The following KCNQ5 variants were observed in gnomAD, a reference collection of about 807,000 sequenced individuals.
KCNQ5 encodes the protein potassium voltage-gated channel subfamily KQT member 5.
In KCNQ5, 30 loss-of-function variants were observed where a neutral mutation model predicts 98.2. That is an observed-to-expected ratio of 0.31 (90% CI 0.23 to 0.41). The LOEUF is 0.41. Ranked by LOEUF, KCNQ5 falls within the 10% of genes least tolerant of loss-of-function variation. KCNQ5 has a pLI of 1.00. For missense variants in KCNQ5, 835 were observed against 1,182.5 expected (o/e 0.71, Z 4.31); for synonymous variants, 458 against 449.4 (o/e 1.02, Z -0.24).
chr6:73,041,832 A>G (rs1771717139), intron 2 of KCNQ5, 104 bp from the exon 3 acceptor site: 1 of 1,250,678 alleles, frequency 8.0e-7, no homozygotes, highest in Admixed American at 1.9e-5. Context: ...TAACAACTAG[A>G]TCCTTTAGAC....
At chr6:72,771,241 G>A (rs1056498483) in intron 1 of KCNQ5, among the ~76,000 whole-genome samples, 6 of 152,010 alleles carry the variant, frequency 3.9e-5, no homozygotes, top group Non-Finnish European at 5.9e-5. Context: ...AAGTAAGTAG[G>A]CATTTAGGGC....
intron 1 of KCNQ5, among the ~76,000 whole-genome samples, chr6:72,811,740 G>A (rs1000441991): frequency 6.6e-6 from 1 of 152,164 alleles, no homozygotes; most frequent in East Asian, 1.9e-4. Flanking sequence ...ACCGGAAAGG[G>A]TCCCAGTTCA....
chr6:73,140,163 T>C (rs2796045), intron 10 of KCNQ5, among the ~76,000 whole-genome samples: 9,922 of 152,288 alleles, frequency 0.065, 458 homozygotes, highest in African/African-American at 0.13. Context: ...GCCTATTTTC[T>C]TCCAAGCAGT....
chr6:72,772,357 GA>G (rs1319878841), intron 1 of KCNQ5, among the ~76,000 whole-genome samples: 2 of 152,046 alleles, frequency 1.3e-5, no homozygotes, highest in Non-Finnish European at 2.9e-5. Context: ...GCTAATTGTT[GA>G]AAAGAATGAT....
chr6:72,826,013 C>T (rs117220825), intron 1 of KCNQ5, among the ~76,000 whole-genome samples: 1 of 152,096 alleles, frequency 6.6e-6, no homozygotes, highest in Non-Finnish European at 1.5e-5. Context: ...AGCAATCACA[C>T]TTCTCTGGTG....
chr6:73,168,809 A>G (rs1777900766), intron 10 of KCNQ5, among the ~76,000 whole-genome samples: 2 of 152,206 alleles, frequency 1.3e-5, no homozygotes, highest in African/African-American at 4.8e-5. Context: ...TGTTCATTGG[A>G]GAAATGTTAG....
At chr6:72,708,999 T>C (rs1390731804) in intron 1 of KCNQ5, among the ~76,000 whole-genome samples, 2 of 152,198 alleles carry the variant, frequency 1.3e-5, no homozygotes, top group Non-Finnish European at 2.9e-5. Context: ...ATAGTTTTTA[T>C]TAAGTTACTT....
chr6:73,030,309 C>T (rs1448708398), intron 2 of KCNQ5, among the ~76,000 whole-genome samples: 1 of 152,120 alleles, frequency 6.6e-6, no homozygotes, highest in East Asian at 1.9e-4. Context: ...AACAGGGCCT[C>T]CTGTCAGTTT....
intron 1 of KCNQ5, among the ~76,000 whole-genome samples, chr6:72,869,246 G>A (rs573514902): frequency 6.6e-6 from 1 of 152,306 alleles, no homozygotes; most frequent in Non-Finnish European, 1.5e-5. Flanking sequence ...CTATAGTGCA[G>A]GATTTGTGAT....
chr6:72,709,158 C>T (rs1769235676), intron 1 of KCNQ5, among the ~76,000 whole-genome samples: 1 of 152,146 alleles, frequency 6.6e-6, no homozygotes, highest in Admixed American at 6.5e-5. Flanking sequence ...AGTTTTCCTT[C>T]CTTTTAAGAT....
intron 1 of KCNQ5, among the ~76,000 whole-genome samples, chr6:72,706,035 T>G (rs1252190854): frequency 6.6e-6 from 1 of 152,112 alleles, no homozygotes; most frequent in African/African-American, 2.4e-5. Flanking sequence ...AAATCTTTGC[T>G]GCAGAGCTGA....
At chr6:73,033,954 G>A (rs1029383132) in intron 2 of KCNQ5, among the ~76,000 whole-genome samples, 2 of 152,156 alleles carry the variant, frequency 1.3e-5, no homozygotes, top group Non-Finnish European at 1.5e-5. Context: ...ATTGATGATG[G>A]TATGTGATGT....
In KCNQ5 at chr6:72,779,502, G is replaced by A. The variant is rs377036179; in HGVS notation, c.398+156915G>A. Among the ~76,000 whole-genome samples, 451 of 152,140 alleles carry A rather than the reference G, an allele frequency of 3.0e-3. 9 individuals carry two copies. The South Asian group carries it at 0.033, about 11-fold the overall frequency. On this transcript the variant is annotated intron_variant, in intron 1 of 13. Transcript: ENST00000370398. The stretch of plus-strand genomic sequence containing the variant: ...CTTATTCATTTTTTTTTCCTAGTAA[G>A]AGGTAAGGTAATCTGCTGAGAATAA...
intron 10 of KCNQ5, among the ~76,000 whole-genome samples, chr6:73,168,903 A>C (rs1777902967): frequency 6.6e-6 from 1 of 152,174 alleles, no homozygotes; most frequent in African/African-American, 2.4e-5. Flanking sequence ...ATACTGTGAC[A>C]CTTTCCCAGT....
intron 5 of KCNQ5, among the ~76,000 whole-genome samples, chr6:73,078,665 C>T (rs1773636602): frequency 6.6e-6 from 1 of 152,138 alleles, no homozygotes; most frequent in African/African-American, 2.4e-5. Flanking sequence ...GAAGTCAGTT[C>T]AACCTCCACT....
intron 1 of KCNQ5, among the ~76,000 whole-genome samples, chr6:72,834,490 A>G (rs1262001255): frequency 6.6e-6 from 1 of 152,156 alleles, no homozygotes; most frequent in Non-Finnish European, 1.5e-5. Flanking sequence ...CTTGCAAAAT[A>G]TAGGAATTGA....
chr6:73,151,992 G>A (rs534903320), intron 10 of KCNQ5, among the ~76,000 whole-genome samples: 11 of 152,194 alleles, frequency 7.2e-5, no homozygotes, highest in South Asian at 4.2e-4. Context: ...GCTTTCACAC[G>A]GGAATTTTCC....
chr6:72,891,087 G>C (rs534253056), intron 1 of KCNQ5, among the ~76,000 whole-genome samples: 1 of 152,322 alleles, frequency 6.6e-6, no homozygotes, highest in Non-Finnish European at 1.5e-5. Flanking sequence ...CAATATTCCA[G>C]AATGGATTTA....
chr6:73,005,587 G>A (rs1052533962), intron 2 of KCNQ5, among the ~76,000 whole-genome samples: 3 of 152,160 alleles, frequency 2.0e-5, no homozygotes, highest in African/African-American at 7.2e-5. Flanking sequence ...AGAAACCCAT[G>A]TAATCACAAA....
Sources: allele counts gnomAD v4.1 joint callset (sites outside exome capture counted in the v4.1 genomes callset), GRCh38; gene constraint gnomAD v4.1.1; transcripts MANE v1.5; gene names NCBI Gene and HGNC (gene_info 2026-07-23, HGNC 2026-07-21).